HYDIN: variants seen among roughly 807,000 people sequenced by gnomAD.
HYDIN encodes HYDIN axonemal central pair apparatus protein.
HYDIN carries 132 observed loss-of-function variants against 403.9 expected under a neutral mutation model. The ratio of observed to expected loss-of-function variants is 0.33; its 90% CI spans 0.28 to 0.38. The LOEUF (loss-of-function observed/expected upper bound fraction) is 0.38. Ranked by LOEUF, HYDIN falls within the 10% of genes least tolerant of loss-of-function variation. HYDIN has a pLI of 1.00. For missense variants in HYDIN, 2,827 were observed against 5,009.5 expected (o/e 0.56, Z 13.15); for synonymous variants, 1,202 against 1,891.7 (o/e 0.64, Z 9.46).
At chr16:70,948,921 C>A (rs900468894) in intron 41 of HYDIN, among the ~76,000 whole-genome samples, 3 of 144,680 alleles carry the variant, frequency 2.1e-5, no homozygotes, top group African/African-American at 7.6e-5. Flanking sequence ...GGATCTAGAA[C>A]TAGAAATACC....
rs1050185754 is a variant in HYDIN, at chr16:71,042,532, A to C, written c.2530-10615T>G. Among the ~76,000 whole-genome samples, 19 of 152,064 alleles carry C rather than the reference A, an allele frequency of 1.2e-4. 1 individual carries two copies. The highest frequency in any genetic ancestry group is 4.6e-4 in the African/African-American group (19 of 41,382). On this transcript the variant is annotated intron_variant, in intron 18 of 85. Coordinates refer to ENST00000393567, the MANE Select transcript of HYDIN (RefSeq NM_001270974.2). ...TAGTTAACATTTACTTTTTGGTGAG[A>C]TAGATATTTGCACTTGCACCATCAT... is the stretch of plus-strand genomic sequence containing the variant.
At chr16:71,004,723 TTAAG>T (rs1364281819) in intron 23 of HYDIN, among the ~76,000 whole-genome samples, 2 of 152,294 alleles carry the variant, frequency 1.3e-5, no homozygotes, top group Admixed American at 6.5e-5. Flanking sequence ...GGTATAAAAA[TTAAG>T]TTAGTTTTAT....
In HYDIN at chr16:71,184,956, A is replaced by G; in HGVS notation, c.170T>C (p.Leu57Pro). 1.2e-6 allele frequency: 2 copies of G among 1,610,476 alleles called. No individual in the cohort carries two copies. Among genetic ancestry groups the G allele is most frequent in the East Asian group, 2.2e-5 (1 of 44,826 alleles). ...TPSEFLKEMS[L>P]TTEQRLAKTR... ...TTTTGCCAGTCTCTGCTCGGTGGTC[A>G]GGGACATTTCCTTCAGGAACTCTGA... Residue 57 changes from leucine to proline, a missense_variant, in exon 3 of 86, where the codon CTG becomes CCG. Transcript: ENST00000393567.
chr16:70,904,425 A>T (rs1185580699), intron 50 of HYDIN, among the ~76,000 whole-genome samples: 1 of 120,006 alleles, frequency 8.3e-6, no homozygotes, highest in Non-Finnish European at 1.7e-5. Flanking sequence ...AGAAATATGT[A>T]GATCTATCCT....
intron 67 of HYDIN, 33 bp from the exon 68 acceptor site, chr16:70,863,215 T>C (rs747925312): frequency 6.2e-7 from 1 of 1,602,668 alleles, no homozygotes; most frequent in Non-Finnish European, 8.5e-7. Context: ...ATTTGAGAAA[T>C]GTGCTGCAGG....
chr16:71,033,418 CA>C, intron 18 of HYDIN, among the ~76,000 whole-genome samples: 1 of 152,182 alleles, frequency 6.6e-6, no homozygotes, highest in South Asian at 2.1e-4. Flanking sequence ...ACAATTATCT[CA>C]AAGTTAATAA....
chr16:71,173,518 CTCT>C (rs1372381272), intron 5 of HYDIN, among the ~76,000 whole-genome samples: 1 of 152,156 alleles, frequency 6.6e-6, no homozygotes, highest in South Asian at 2.1e-4. Flanking sequence ...TAAAATCTCT[CTCT>C]TCTTCTAGCT....
intron 18 of HYDIN, among the ~76,000 whole-genome samples, chr16:71,034,096 T>G (rs1443199338): frequency 6.6e-6 from 1 of 151,382 alleles, no homozygotes; most frequent in African/African-American, 2.4e-5. Context: ...GCTCCCTGAG[T>G]TTGGTACCGC....
At chr16:70,881,705 C>T (rs2040821106) in intron 60 of HYDIN, among the ~76,000 whole-genome samples, 1 of 152,184 alleles carries the variant, frequency 6.6e-6, no homozygotes. Flanking sequence ...CCATACCTCT[C>T]TGCATTGACA....
At chr16:71,010,942 G>A (rs1541400) in intron 23 of HYDIN, among the ~76,000 whole-genome samples, 3 of 152,230 alleles carry the variant, frequency 2.0e-5, no homozygotes, top group Non-Finnish European at 2.9e-5. Context: ...CCACACACAG[G>A]CCACAGCAAA....
chr16:71,178,941 C>A lies in HYDIN; in HGVS notation c.368G>T (p.Arg123Met). The change falls in exon 4 of 86, where the codon AGG becomes ATG. Residue 123 changes from arginine (R) to methionine (M), a missense_variant. Transcript: ENST00000393567. The stretch of plus-strand genomic sequence containing the variant: ...GAACATACTCACTTTGTCATTGTTC[C>A]TCAAAATCAGTGGAACTTCATAGAC... ...CEVYEVPLIL[R>M]NNDKIPRLVK... is the part of the protein sequence containing the mutation. 3.1e-6 allele frequency: 5 copies of A among 1,611,790 alleles called. No homozygotes were observed. The highest frequency in any genetic ancestry group is 4.2e-6 in the Non-Finnish European group (5 of 1,178,970).
intron 50 of HYDIN, among the ~76,000 whole-genome samples, chr16:70,906,173 A>G (rs973847564): frequency 9.9e-5 from 15 of 152,210 alleles, no homozygotes; most frequent in African/African-American, 3.6e-4. Flanking sequence ...AATTGCTAAG[A>G]ATGGCTGATC....
chr16:70,847,265 CTAATACAGATTTATAG>C (rs1387804434), intron 75 of HYDIN, among the ~76,000 whole-genome samples: 646 of 152,200 alleles, frequency 4.2e-3, no homozygotes, highest in Admixed American at 5.8e-3. Context: ...ATAAGGCCCA[CTAATACAGATTTATAG>C]TTATTGCTAT....
intron 10 of HYDIN, among the ~76,000 whole-genome samples, chr16:71,103,991 T>C (rs1347544002): frequency 6.6e-6 from 1 of 152,168 alleles, no homozygotes; most frequent in East Asian, 1.9e-4. Context: ...GTATACATTT[T>C]GTCAAATTTA....
chr16:71,181,893 G>GA (rs2086919133), intron 3 of HYDIN, among the ~76,000 whole-genome samples: 1 of 152,112 alleles, frequency 6.6e-6, no homozygotes, highest in Non-Finnish European at 1.5e-5. Flanking sequence ...GTCAGGTAGT[G>GA]AAAAGGCTGT....
At chr16:70,970,802 A>G (rs1411753938) in intron 35 of HYDIN, 43 bp from the exon 36 acceptor site, 2 of 1,589,282 alleles carry the variant, frequency 1.3e-6, no homozygotes, top group Non-Finnish European at 1.7e-6. Flanking sequence ...GTTTATTTCC[A>G]TTACATGTCA....
At chr16:71,145,481 C>T (rs1341495209) in intron 7 of HYDIN, among the ~76,000 whole-genome samples, 4 of 152,164 alleles carry the variant, frequency 2.6e-5, no homozygotes, top group Non-Finnish European at 5.9e-5. Context: ...TCTCGATCTT[C>T]TGACCTTGTG....
At chr16:70,819,347 C>T (rs1322149168) in intron 83 of HYDIN, among the ~76,000 whole-genome samples, 3 of 151,994 alleles carry the variant, frequency 2.0e-5, no homozygotes, top group Non-Finnish European at 4.4e-5. Context: ...TCACACAATT[C>T]GTAGGCACTG....
chr16:71,227,933 A>G (rs2041112019), intron 1 of HYDIN, among the ~76,000 whole-genome samples: 1 of 152,194 alleles, frequency 6.6e-6, no homozygotes, highest in Admixed American at 6.5e-5. Context: ...ACAGTAACCA[A>G]AACAGCATGG....
Sources: allele counts gnomAD v4.1 joint callset (sites outside exome capture counted in the v4.1 genomes callset), GRCh38; gene constraint gnomAD v4.1.1; transcripts MANE v1.5; gene names NCBI Gene and HGNC (gene_info 2026-07-23, HGNC 2026-07-21).